The following POMZP3 variants were observed in gnomAD, a reference collection of about 807,000 sequenced individuals.
POMZP3 encodes POM121 and ZP3 fusion protein.
Under a neutral mutation model 19.8 loss-of-function variants are expected in POMZP3, and 10 were observed. The observed-to-expected ratio is 0.51, with a 90% CI of 0.31 to 0.86. POMZP3 has a LOEUF of 0.86. Among genes scored for constraint, POMZP3 ranks in the 40% least tolerant of loss-of-function variants. The pLI is 0.04. For synonymous variants in POMZP3, 57 were observed against 85.8 expected (o/e 0.66, Z 1.85); for missense variants, 152 against 228.1 (o/e 0.67, Z 2.15).
At chr7:76,625,005 C>T (rs1329334787) in intron 3 of POMZP3, among the ~76,000 whole-genome samples, 20 of 151,220 alleles carry the variant, frequency 1.3e-4, no homozygotes, top group Non-Finnish European at 1.2e-4. Context: ...TGGTGGCGGG[C>T]GCCTGTAGTC....
intron 3 of POMZP3, among the ~76,000 whole-genome samples, chr7:76,624,555 C>T (rs1394569780): frequency 1.3e-5 from 2 of 151,536 alleles, no homozygotes; most frequent in African/African-American, 4.8e-5. Flanking sequence ...AAGCAATTCT[C>T]CTGTCTCAGC....
chr7:76,620,272 G>A lies in POMZP3; in HGVS notation c.228-1972C>T, dbSNP rs1296829296. Among the ~76,000 whole-genome samples the A allele has an allele frequency of 2.4e-5, 2 of 84,196 alleles. 1 individual carries two copies. The highest frequency in any genetic ancestry group is 5.0e-5 in the Non-Finnish European group (2 of 40,216). The allele number at this position is 84,196 out of a possible 152,430, so 55.2% of individuals were successfully genotyped here. A position where few individuals can be genotyped will look rare whatever the true frequency, so the allele number is the denominator to read the frequency against. The stretch of plus-strand genomic sequence containing the variant: ...GAACCCGGGAGGCAGAGCTTGTAGT[G>A]AGCCGAGATTGCACCACTGCACTCC... On this transcript the variant is annotated intron_variant, in intron 3 of 6. Transcript: ENST00000310842.
In POMZP3 at chr7:76,627,149, G is replaced by A. The variant is rs1320516672; in HGVS notation, c.-593C>T. 8 of 1,446,680 alleles carry A rather than the reference G, an allele frequency of 5.5e-6. 2 individuals are homozygous for A. In the East Asian group the frequency reaches 8.0e-5, roughly 15 times the overall value. The allele number at this position is 1,446,680 out of a possible 1,614,324, so 89.6% of individuals were successfully genotyped here. On this transcript the variant is annotated 5_prime_UTR_variant, in exon 1 of 7. Transcript: ENST00000310842. ...GCAGCAGGCACGAGGTACAGTAGGA[G>A]GCCGACCAGCGACAGGCCGAGAAGC...
rs1372348597 is a variant in POMZP3, at chr7:76,626,091, C to T, written c.-27G>A. On this transcript the variant is annotated 5_prime_UTR_variant, in exon 2 of 7. Coordinates refer to ENST00000310842, the MANE Select transcript of POMZP3 (RefSeq NM_012230.5). ...CTGGAGTTGCGAGGGGACAGCACAG[C>T]CTTCTTGTGATAACCATTCCAGCAC... is the stretch of plus-strand genomic sequence containing the variant. 6.2e-7 allele frequency: 1 copy of T among 1,613,814 alleles called. No individual in the cohort carries two copies.
chr7:76,618,919 C>T (rs1476776744), intron 3 of POMZP3, among the ~76,000 whole-genome samples: 1 of 152,052 alleles, frequency 6.6e-6, no homozygotes, highest in Non-Finnish European at 1.5e-5. Context: ...TCCTGAGTAG[C>T]TGGGACTACA....
At chr7:76,610,370 G>C (rs367621043) in intron 6 of POMZP3, among the ~76,000 whole-genome samples, 155 bp from the exon 7 acceptor site, 5 of 152,202 alleles carry the variant, frequency 3.3e-5, no homozygotes, top group Middle Eastern at 3.4e-3. Flanking sequence ...AGCTTTCTCG[G>C]CCAGGTGTGA....
intron 3 of POMZP3, among the ~76,000 whole-genome samples, chr7:76,619,288 T>C (rs1472828696): frequency 6.6e-6 from 1 of 152,140 alleles, no homozygotes; most frequent in South Asian, 2.1e-4. Context: ...CTGGGGAGGC[T>C]GAGAGAGGAG....
At chr7:76,625,928 G>A (rs1563806933) in intron 2 of POMZP3, 72 bp downstream of exon 2, 30 of 1,598,276 alleles carry the variant, frequency 1.9e-5, no homozygotes, top group Middle Eastern at 4.0e-4. Flanking sequence ...TAGTCATGTT[G>A]TCATAGGAAC....
At chr7:76,617,106 C>T (rs1426768867) in intron 4 of POMZP3, among the ~76,000 whole-genome samples, 1 of 96,792 alleles carries the variant, frequency 1.0e-5, no homozygotes, top group Non-Finnish European at 2.3e-5. Context: ...GTAGCTGGGA[C>T]TACAGGTGCC....
intron 3 of POMZP3, among the ~76,000 whole-genome samples, chr7:76,622,851 T>C (rs1162854891): frequency 6.6e-6 from 1 of 151,870 alleles, no homozygotes; most frequent in Non-Finnish European, 1.5e-5. Context: ...TCGAGCCCTT[T>C]TTCTTTTTTA....
intron 2 of POMZP3, 103 bp downstream of exon 2, chr7:76,625,897 C>T: frequency 3.3e-6 from 5 of 1,530,080 alleles, no homozygotes; most frequent in Non-Finnish European, 4.5e-6. Context: ...CAAGCAGATT[C>T]GTCCTTTCTT....
Position 76,626,948 on chromosome 7 carries a change from T to A in POMZP3, c.-392A>T. On this transcript the variant is annotated 5_prime_UTR_variant, in exon 1 of 7. Coordinates refer to ENST00000310842, the MANE Select transcript of POMZP3 (RefSeq NM_012230.5). ...GCAGGGTCAGGTCCTTCGAGCAGGG[T>A]CCGCGGCTCTAGGAGGTTTCCGTTG... 1 of 1,407,514 alleles carries A rather than the reference T, an allele frequency of 7.1e-7. No individual in the cohort carries two copies. The highest frequency in any genetic ancestry group is 2.6e-4 in the Middle Eastern group (1 of 3,878). 87.2% of individuals were successfully genotyped at this position (1,407,514 alleles called of 1,614,324 possible).
At chr7:76,611,964 C>G in intron 4 of POMZP3, 151 bp from the exon 5 acceptor site, 2 of 1,434,046 alleles carry the variant, frequency 1.4e-6, no homozygotes, top group Non-Finnish European at 1.9e-6. Flanking sequence ...TTTGGGAGGC[C>G]AAGGCGGGTA....
At chr7:76,620,861 A>ATTTTTTTTTTTTT (rs56084078) in intron 3 of POMZP3, among the ~76,000 whole-genome samples, 5 of 76,200 alleles carry the variant, frequency 6.6e-5, no homozygotes, top group South Asian at 1.2e-3. Context: ...CTGTAAAGCC[A>ATTTTTTTTTTTTT]TTTTTTTTTT....
intron 3 of POMZP3, among the ~76,000 whole-genome samples, chr7:76,624,829 A>G (rs1338202834): frequency 6.6e-6 from 1 of 151,746 alleles, no homozygotes; most frequent in Admixed American, 6.6e-5. Flanking sequence ...CCTTCAGCAC[A>G]ATTAAGACAC....
intron 4 of POMZP3, among the ~76,000 whole-genome samples, chr7:76,613,484 C>T (rs1157793807): frequency 8.4e-6 from 1 of 118,892 alleles, no homozygotes. Flanking sequence ...AGTCAACTAC[C>T]CTGTAAGCAC....
rs550942750 is a variant in POMZP3 at position 76,616,477 on chromosome 7, C to A, written c.345+1706G>T. Among the ~76,000 whole-genome samples the A allele has an allele frequency of 3.9e-5, 4 of 101,354 alleles. No homozygotes were observed. The East Asian group carries it at 9.9e-4, about 25-fold the overall frequency. 66.5% of individuals were successfully genotyped at this position (101,354 alleles called of 152,430 possible). ...CCTCTCCAGATGATTAGTATAGAGC[C>A]AGCACTGGAAACCCCTACTTTAATC... is the stretch of plus-strand genomic sequence containing the variant. On this transcript the variant is annotated intron_variant, in intron 4 of 6. Coordinates refer to ENST00000310842, the MANE Select transcript of POMZP3 (RefSeq NM_012230.5).
At chr7:76,613,605 C>T (rs1461983011) in intron 4 of POMZP3, among the ~76,000 whole-genome samples, 1 of 82,384 alleles carries the variant, frequency 1.2e-5, no homozygotes, top group Non-Finnish European at 2.4e-5. Flanking sequence ...TCTCTTGCCT[C>T]AGCCTCCCAA....
intron 3 of POMZP3, among the ~76,000 whole-genome samples, chr7:76,622,730 C>A (rs1486643006): frequency 6.6e-6 from 1 of 151,752 alleles, no homozygotes; most frequent in African/African-American, 2.4e-5. Flanking sequence ...GGCTAGAGTG[C>A]AGTGATATGA....
Sources: allele counts gnomAD v4.1 joint callset (sites outside exome capture counted in the v4.1 genomes callset), GRCh38; gene constraint gnomAD v4.1.1; transcripts MANE v1.5; gene names NCBI Gene and HGNC (gene_info 2026-07-23, HGNC 2026-07-21).